Variants in KAZN observed in about 807,000 individuals in gnomAD.
KAZN encodes kazrin.
Under a neutral mutation model 87.4 loss-of-function variants are expected in KAZN, and 40 were observed. The ratio of observed to expected loss-of-function variants is 0.46; its 90% confidence interval spans 0.36 to 0.60. The LOEUF (loss-of-function observed/expected upper bound fraction) is 0.60, where lower values mean the gene tolerates loss of function less well. Among genes scored for constraint, KAZN ranks in the 20% least tolerant of loss-of-function variants. The probability of loss-of-function intolerance (pLI) is 0.00; values close to 1 mark genes in which losing one functional copy is unlikely to be tolerated. For missense variants in KAZN, 898 were observed against 1,073.9 expected (o/e 0.84, Z 2.29); for synonymous variants, 466 against 458.3 (o/e 1.02, Z -0.22).
intron 2 of KAZN, among the ~76,000 whole-genome samples, chr1:14,582,773 A>C (rs1675631988): frequency 6.6e-6 from 1 of 152,266 alleles, no homozygotes; most frequent in Non-Finnish European, 1.5e-5. Context: ...GAAATAAAAC[A>C]TAATTTTCAT....
chr1:13,939,845 A>C (rs375857384), intron 1 of KAZN, among the ~76,000 whole-genome samples: 1 of 152,130 alleles, frequency 6.6e-6, no homozygotes, highest in Non-Finnish European at 1.5e-5. Context: ...GGCACAAAAC[A>C]TGATGAGAGT....
At chr1:14,467,370 A>C (rs1232923111) in intron 2 of KAZN, among the ~76,000 whole-genome samples, 2 of 151,898 alleles carry the variant, frequency 1.3e-5, no homozygotes, top group African/African-American at 4.8e-5. Flanking sequence ...TGGTAAGTAG[A>C]AAATATCTAT....
chr1:14,598,716 C>A lies in KAZN; in HGVS notation c.-282C>A. On this transcript the variant is annotated 5_prime_UTR_variant, in exon 1 of 15. Coordinates refer to ENST00000376030, the MANE Select transcript of KAZN (RefSeq NM_201628.3). This position sits in a 1 kb window ranked among gnomAD's most constrained non-coding sequence, Gnocchi z 4.2. ...GGAGCAGCTCTCGGCGCCCGCCCGC[C>A]GGGGTCTCGGCGATCGCTGCTCCTC... 7.6e-7 allele frequency: 1 copy of A among 1,318,396 alleles called. No individual in the cohort carries two copies. The highest frequency in any genetic ancestry group is 9.6e-7 in the Non-Finnish European group (1 of 1,042,404). The allele number at this position is 1,318,396 out of a possible 1,614,324, so 81.7% of individuals were successfully genotyped here.
chr1:14,488,263 G>A (rs10927442), intron 2 of KAZN, among the ~76,000 whole-genome samples: 23,479 of 152,144 alleles, frequency 0.15, 2,409 homozygotes, highest in Non-Finnish European at 0.23. Context: ...CTTGCTTGGA[G>A]GAGAGGCTCA....
intron 2 of KAZN, among the ~76,000 whole-genome samples, chr1:14,970,365 T>G (rs1664897451): frequency 6.6e-6 from 1 of 152,152 alleles, no homozygotes; most frequent in Non-Finnish European, 1.5e-5. Context: ...AAGGCCAGGC[T>G]CCTTGGCAAC....
intron 1 of KAZN, among the ~76,000 whole-genome samples, chr1:14,751,418 A>G (rs949504777): frequency 1.1e-4 from 17 of 152,198 alleles, no homozygotes; most frequent in Non-Finnish European, 4.4e-5. Context: ...TAGCTAACAT[A>G]TCTGTAGCAC....
At chr1:14,301,963 T>C (rs1039293213) in intron 2 of KAZN, among the ~76,000 whole-genome samples, 5 of 152,222 alleles carry the variant, frequency 3.3e-5, no homozygotes, top group Admixed American at 2.0e-4. Flanking sequence ...CTTTTATACT[T>C]ATTTAATATC....
intron 2 of KAZN, among the ~76,000 whole-genome samples, chr1:14,235,909 G>T (rs948442577): frequency 2.0e-5 from 3 of 151,992 alleles, no homozygotes; most frequent in African/African-American, 7.3e-5. Flanking sequence ...CAGCTTTTTG[G>T]GTTGTGTTTG....
chr1:14,041,830 A>T (rs1012190568), intron 1 of KAZN, among the ~76,000 whole-genome samples: 2 of 152,174 alleles, frequency 1.3e-5, no homozygotes, highest in African/African-American at 4.8e-5. Context: ...TATTTCACCC[A>T]CACCCCAATG....
At chr1:14,303,678 G>A (rs936536108) in intron 2 of KAZN, among the ~76,000 whole-genome samples, 1 of 152,108 alleles carries the variant, frequency 6.6e-6, no homozygotes, top group African/African-American at 2.4e-5. Context: ...GCTCATCTTT[G>A]CTTACATCAT....
At chr1:14,320,285 G>T (rs1420104900) in intron 2 of KAZN, among the ~76,000 whole-genome samples, 3 of 152,124 alleles carry the variant, frequency 2.0e-5, no homozygotes, top group African/African-American at 7.2e-5. Flanking sequence ...GGATGAAAGA[G>T]ATATAGGTTC....
intron 1 of KAZN, among the ~76,000 whole-genome samples, chr1:14,164,059 T>A (rs115510625): frequency 6.6e-6 from 1 of 152,188 alleles, no homozygotes; most frequent in East Asian, 1.9e-4. Context: ...ATTTTTAGTG[T>A]TTTTTGTTAT....
intron 1 of KAZN, among the ~76,000 whole-genome samples, chr1:14,070,689 G>A (rs756269413): frequency 5.9e-5 from 9 of 152,158 alleles, no homozygotes; most frequent in African/African-American, 9.7e-5. Flanking sequence ...TTTCGTACAC[G>A]TATGGCTTTC....
intron 1 of KAZN, among the ~76,000 whole-genome samples, chr1:14,173,704 T>C (rs1377956804): frequency 7.5e-6 from 1 of 133,014 alleles, no homozygotes; most frequent in African/African-American, 2.8e-5. Flanking sequence ...TCTTTCTCAA[T>C]AGTTCCATCA....
intron 7 of KAZN, among the ~76,000 whole-genome samples, chr1:15,065,027 C>CTTTTTTTTTTTTTT (rs780410306): frequency 9.7e-6 from 1 of 102,740 alleles, no homozygotes; most frequent in South Asian, 3.3e-4. Context: ...CTTTTTCTTT[C>CTTTTTTTTTTTTTT]TTTTTTTTTT....
intron 2 of KAZN, among the ~76,000 whole-genome samples, chr1:14,542,530 A>G (rs1261841799): frequency 6.6e-6 from 1 of 152,192 alleles, no homozygotes; most frequent in African/African-American, 2.4e-5. Flanking sequence ...TCAAACATAG[A>G]TGAAGCTATT....
At chr1:14,683,719 G>A (rs936012624) in intron 1 of KAZN, among the ~76,000 whole-genome samples, 2 of 152,182 alleles carry the variant, frequency 1.3e-5, no homozygotes, top group East Asian at 3.9e-4. Flanking sequence ...CTCAGGAAAG[G>A]TTCCCAAACT....
intron 1 of KAZN, among the ~76,000 whole-genome samples, chr1:14,642,227 G>A (rs757315297): frequency 2.0e-5 from 3 of 152,020 alleles, no homozygotes; most frequent in Non-Finnish European, 4.4e-5. Flanking sequence ...GTGAAACCCC[G>A]TCTCTACTAA....
intron 2 of KAZN, among the ~76,000 whole-genome samples, chr1:14,332,081 T>A (rs957582026): frequency 6.6e-6 from 1 of 152,166 alleles, no homozygotes; most frequent in Non-Finnish European, 1.5e-5. Context: ...TTCTTCTTTT[T>A]TTATTTTATA....
Sources: gnomAD v4.1 joint callset for allele counts (sites outside exome capture counted in the v4.1 genomes callset) on GRCh38, gnomAD v4.1.1 for gene constraint, Gnocchi (gnomAD v3.1) non-coding constraint, MANE v1.5 for transcripts, NCBI Gene and HGNC (gene_info 2026-07-23, HGNC 2026-07-21) for gene names.